CTNNA3: variants seen among roughly 807,000 people sequenced by gnomAD.
The protein encoded by CTNNA3 is catenin alpha-3.
Under a neutral mutation model 95.7 loss-of-function variants are expected in CTNNA3, and 76 were observed. The ratio of observed to expected loss-of-function variants is 0.79; its 90% confidence interval spans 0.66 to 0.96. The LOEUF (loss-of-function observed/expected upper bound fraction) is 0.96, where lower values mean the gene tolerates loss of function less well. CTNNA3 is among the 40% of genes least tolerant of loss of function. CTNNA3 has a pLI of 0.00. For synonymous variants in CTNNA3, 431 were observed against 374.4 expected (o/e 1.15, Z -1.74); for missense variants, 1,191 against 1,089.8 (o/e 1.09, Z -1.31).
At chr10:67,441,265 A>AC (rs199684682) in intron 5 of CTNNA3, among the ~76,000 whole-genome samples, 2 of 126,028 alleles carry the variant, frequency 1.6e-5, no homozygotes, top group Non-Finnish European at 1.6e-5. Flanking sequence ...GAGAGAAGAC[A>AC]AAAAAAAAAA....
At chr10:66,634,969 T>C (rs1486172074) in intron 9 of CTNNA3, among the ~76,000 whole-genome samples, 1 of 152,150 alleles carries the variant, frequency 6.6e-6, no homozygotes, top group African/African-American at 2.4e-5. Flanking sequence ...AAGTCTGCAA[T>C]GTAGACTGCT....
At chr10:66,250,292 G>A (rs1361589629) in intron 13 of CTNNA3, among the ~76,000 whole-genome samples, 3 of 152,102 alleles carry the variant, frequency 2.0e-5, no homozygotes, top group Non-Finnish European at 2.9e-5. Flanking sequence ...GGGGACTTAG[G>A]GGGAAGTGAG....
chr10:67,641,160 A>G (rs538127887), intron 2 of CTNNA3, among the ~76,000 whole-genome samples: 3 of 152,118 alleles, frequency 2.0e-5, no homozygotes, highest in East Asian at 1.9e-4. Flanking sequence ...AATTTACAAG[A>G]AAAAAAACAA....
intron 9 of CTNNA3, among the ~76,000 whole-genome samples, chr10:66,735,745 T>C (rs915284900): frequency 3.9e-5 from 6 of 152,174 alleles, no homozygotes; most frequent in Admixed American, 2.6e-4. Context: ...AAGAGGATAT[T>C]ATAGAAGAAA....
intron 9 of CTNNA3, among the ~76,000 whole-genome samples, chr10:66,733,053 C>T (rs1194191979): frequency 1.3e-5 from 2 of 152,220 alleles, no homozygotes; most frequent in Non-Finnish European, 1.5e-5. Context: ...GCCTCAGCCT[C>T]CCAAAGTGCT....
chr10:66,467,279 A>G (rs937243070), intron 11 of CTNNA3, among the ~76,000 whole-genome samples: 2 of 152,110 alleles, frequency 1.3e-5, no homozygotes, highest in Admixed American at 6.6e-5. Context: ...TTAAAACACA[A>G]GAGAGTAGGT....
At chr10:66,750,360 A>G (rs1009170973) in intron 9 of CTNNA3, among the ~76,000 whole-genome samples, 5 of 152,294 alleles carry the variant, frequency 3.3e-5, no homozygotes, top group African/African-American at 1.2e-4. Context: ...GTTTACATTT[A>G]AGTCTATGAC....
At chr10:67,468,855 C>A (rs1197189987) in intron 5 of CTNNA3, among the ~76,000 whole-genome samples, 1 of 152,014 alleles carries the variant, frequency 6.6e-6, no homozygotes, top group Non-Finnish European at 1.5e-5. Flanking sequence ...TTGTGAATAC[C>A]CCCACTGAAA....
intron 5 of CTNNA3, among the ~76,000 whole-genome samples, chr10:67,436,402 AT>A (rs1424510572): frequency 6.6e-6 from 1 of 152,156 alleles, no homozygotes; most frequent in Non-Finnish European, 1.5e-5. Context: ...CCTTCTAGAC[AT>A]TGGCTTAGGC....
chr10:66,643,925 C>G (rs1205351776), intron 9 of CTNNA3, among the ~76,000 whole-genome samples: 1 of 152,064 alleles, frequency 6.6e-6, no homozygotes, highest in Non-Finnish European at 1.5e-5. Context: ...GAGAACATTT[C>G]AGCTGTGCCA....
intron 7 of CTNNA3, among the ~76,000 whole-genome samples, chr10:67,175,373 A>T (rs888548797): frequency 2.0e-5 from 3 of 152,166 alleles, no homozygotes; most frequent in Admixed American, 2.0e-4. Context: ...CAAAAGGAAA[A>T]ATCCCATAAC....
At chr10:66,416,171 A>T (rs1373016959) in intron 11 of CTNNA3, among the ~76,000 whole-genome samples, 2 of 152,294 alleles carry the variant, frequency 1.3e-5, no homozygotes, top group East Asian at 3.9e-4. Flanking sequence ...TGAATTACAA[A>T]ATACATTTAA....
At chr10:67,731,211 C>T (rs115900074) in intron 1 of CTNNA3, among the ~76,000 whole-genome samples, 2,613 of 152,256 alleles carry the variant, frequency 0.017, 19 homozygotes, top group Non-Finnish European at 0.022. Context: ...GTAGGAAATG[C>T]TGTTTTTTCA....
intron 14 of CTNNA3, among the ~76,000 whole-genome samples, chr10:66,095,968 T>A (rs1413543294): frequency 2.0e-5 from 3 of 152,146 alleles, no homozygotes; most frequent in Non-Finnish European, 4.4e-5. Flanking sequence ...AAAGACTGCA[T>A]ATTACAATTT....
At chr10:66,317,128 C>A (rs2092112439) in intron 12 of CTNNA3, among the ~76,000 whole-genome samples, 1 of 151,994 alleles carries the variant, frequency 6.6e-6, no homozygotes, top group Non-Finnish European at 1.5e-5. Context: ...GTCTAATGAT[C>A]AGTTAGACAA....
intron 5 of CTNNA3, among the ~76,000 whole-genome samples, chr10:67,268,788 T>C (rs1427012374): frequency 2.6e-5 from 4 of 152,190 alleles, no homozygotes; most frequent in African/African-American, 9.6e-5. Flanking sequence ...AAACAGCTAT[T>C]GTATATGCAA....
In CTNNA3 at chr10:67,760,434, T is replaced by A. The variant is rs537852605; in HGVS notation, c.-2+3000A>T. On this transcript the variant is annotated intron_variant, in intron 1 of 17. Coordinates refer to the CTNNA3 transcript ENST00000684154. ...GTTATACCCCTGTCTGCCAATACACTCATGTGTCACTTAATGATATGTTCT... is the reference window on the plus strand; with the variant it reads ...GTTATACCCCTGTCTGCCAATACACACATGTGTCACTTAATGATATGTTCT... Among the ~76,000 whole-genome samples the A allele has an allele frequency of 7.2e-5, 11 of 152,272 alleles. No homozygotes were observed. In the South Asian group the frequency reaches 2.3e-3, roughly 32 times the overall value.
At chr10:67,038,044 G>C (rs1005579978) in intron 7 of CTNNA3, among the ~76,000 whole-genome samples, 4 of 152,016 alleles carry the variant, frequency 2.6e-5, no homozygotes, top group African/African-American at 9.7e-5. Flanking sequence ...TAATAATATT[G>C]TTGACTGTGT....
At chr10:66,048,154 G>A (rs2079869649) in intron 15 of CTNNA3, among the ~76,000 whole-genome samples, 1 of 152,114 alleles carries the variant, frequency 6.6e-6, no homozygotes, top group Non-Finnish European at 1.5e-5. Flanking sequence ...ACCAAAAAGA[G>A]TCTGAATAGC....
Sources: allele counts gnomAD v4.1 joint callset (sites outside exome capture counted in the v4.1 genomes callset), GRCh38; gene constraint gnomAD v4.1.1; transcripts MANE v1.5; gene names NCBI Gene and HGNC (gene_info 2026-07-23, HGNC 2026-07-21).